FANCB: variants seen among roughly 807,000 people sequenced by gnomAD.
FANCB encodes the protein Fanconi anemia group B protein.
A neutral mutation model predicts 38.9 loss-of-function variants in FANCB; 5 were observed. The ratio of observed to expected loss-of-function variants is 0.13; its 90% CI spans 0.07 to 0.27. The LOEUF is 0.27. FANCB is among the 10% of genes least tolerant of loss of function. FANCB has a pLI of 1.00. For missense variants in FANCB, 573 were observed against 602.7 expected (o/e 0.95, Z 0.52); for synonymous variants, 236 against 215.4 (o/e 1.10, Z -0.84).
the FANCB span, among the ~76,000 whole-genome samples, chrX:14,706,617 A>C: frequency 9.0e-6 from 1 of 111,614 alleles, no homozygotes; most frequent in Non-Finnish European, 1.9e-5. Flanking sequence ...TAGGATTATC[A>C]TTCTGGTATT....
the FANCB span, among the ~76,000 whole-genome samples, chrX:14,698,929 T>C: frequency 1.8e-5 from 2 of 111,255 alleles, no homozygotes; most frequent in East Asian, 5.7e-4. Flanking sequence ...TGGTATTTAC[T>C]GAGCAATCAA....
chrX:14,812,703 C>A, the FANCB span, among the ~76,000 whole-genome samples: 47 of 108,134 alleles, frequency 4.3e-4, no homozygotes, highest in African/African-American at 1.5e-3. Flanking sequence ...AGTCCAGGAC[C>A]AGAAGGATTC....
the FANCB span, among the ~76,000 whole-genome samples, chrX:14,807,597 G>C: frequency 3.6e-5 from 4 of 111,455 alleles, no homozygotes; most frequent in Admixed American, 3.8e-4. Context: ...GACTAGGCAG[G>C]ACTATTACTC....
At chrX:14,698,431 C>G in the FANCB span, among the ~76,000 whole-genome samples, 1 of 109,571 alleles carries the variant, frequency 9.1e-6, no homozygotes, top group Non-Finnish European at 1.9e-5. Flanking sequence ...GTAATCCCAG[C>G]ACTTTGGGAG....
chrX:14,869,200 T>C (rs767074801), intron 1 of FANCB, 157 bp from the exon 2 acceptor site: 1 of 112,121 alleles, frequency 8.9e-6, no homozygotes, highest in African/African-American at 3.2e-5. Context: ...GAATTCATCA[T>C]CTTTTACTAC....
At chrX:14,809,442 C>T in the FANCB span, among the ~76,000 whole-genome samples, 5 of 112,024 alleles carry the variant, frequency 4.5e-5, no homozygotes, top group African/African-American at 1.6e-4. Flanking sequence ...AAAGGGGTGA[C>T]AGATGGCACC....
the FANCB span, chrX:14,731,616 G>A: frequency 1.4e-4 from 16 of 111,083 alleles, no homozygotes; most frequent in East Asian, 2.8e-4. Flanking sequence ...TTCATAACCC[G>A]TTGCCTTTTT....
the FANCB span, among the ~76,000 whole-genome samples, chrX:14,776,685 T>C: frequency 1.8e-5 from 2 of 112,319 alleles, no homozygotes; most frequent in African/African-American, 3.2e-5. Flanking sequence ...AGGGAAAATC[T>C]TGACTGCTAA....
the FANCB span, among the ~76,000 whole-genome samples, chrX:14,777,976 T>C: frequency 9.8e-5 from 11 of 112,090 alleles, no homozygotes; most frequent in African/African-American, 3.6e-4. Context: ...TCCAAATTCT[T>C]ACATTTGGAA....
the FANCB span, among the ~76,000 whole-genome samples, chrX:14,778,549 A>G: frequency 1.2e-4 from 14 of 112,491 alleles, no homozygotes; most frequent in African/African-American, 4.2e-4. Flanking sequence ...GATGATGGCC[A>G]GAAGAGCAAG....
the FANCB span, among the ~76,000 whole-genome samples, chrX:14,766,859 A>G: frequency 9.1e-6 from 1 of 110,133 alleles, no homozygotes; most frequent in Non-Finnish European, 1.9e-5. Flanking sequence ...CCACCCAATC[A>G]GGCCCTAATG....
the FANCB span, among the ~76,000 whole-genome samples, chrX:14,779,140 A>C: frequency 8.9e-6 from 1 of 111,963 alleles, no homozygotes; most frequent in East Asian, 2.8e-4. Context: ...ATCAGGTTGA[A>C]ATACCCAAGC....
At chrX:14,733,661 T>C in the FANCB span, among the ~76,000 whole-genome samples, 1 of 112,375 alleles carries the variant, frequency 8.9e-6, no homozygotes, top group East Asian at 2.8e-4. Flanking sequence ...CATTTGACTC[T>C]CTGTTTATCT....
chrX:14,836,196 C>G (rs1388468488), exon 11 of FANCB: 1 of 111,978 alleles, frequency 8.9e-6, no homozygotes, highest in Non-Finnish European at 1.9e-5. Flanking sequence ...TATGATTCCA[C>G]TCACATGAAG....
the FANCB span, among the ~76,000 whole-genome samples, chrX:14,799,284 T>C: frequency 8.9e-6 from 1 of 112,130 alleles, no homozygotes; most frequent in Non-Finnish European, 1.9e-5. Flanking sequence ...ACACTTTCAC[T>C]ATTTTCTGAC....
chrX:14,777,360 G>C, the FANCB span, among the ~76,000 whole-genome samples: 1 of 111,729 alleles, frequency 9.0e-6, no homozygotes, highest in Non-Finnish European at 1.9e-5. Flanking sequence ...ATTGAAAATA[G>C]CATATTATTT....
At chrX:14,759,660 G>C in the FANCB span, among the ~76,000 whole-genome samples, 1 of 111,036 alleles carries the variant, frequency 9.0e-6, no homozygotes, top group African/African-American at 3.3e-5. Flanking sequence ...CTTTAATGCT[G>C]AAAGAATTCA....
chrX:14,857,865 C>G lies in FANCB; in HGVS notation c.1194G>C (p.Leu398=). ...YLVVPPLETG[L]KVCFSSFREL... ...AAAGAAGCAAACAGACACTAACTTT[C>G]AGTCCTGTTTCTAGAGGTGGAACCA... Residue 398 remains leucine, a synonymous_variant, in exon 5 of 10, where the codon CTG becomes CTC. Transcript: ENST00000650831. The G allele has an allele frequency of 8.6e-7, 1 of 1,159,218 alleles. No homozygotes were observed. The highest frequency in any genetic ancestry group is 1.8e-5 in the South Asian group (1 of 55,808).
At chrX:14,745,965 G>A in the FANCB span, among the ~76,000 whole-genome samples, 5 of 110,356 alleles carry the variant, frequency 4.5e-5, no homozygotes, top group Admixed American at 3.9e-4. Flanking sequence ...CTCCCAAAGT[G>A]CTGGGATTAC....
Sources: allele counts gnomAD v4.1 joint callset (sites outside exome capture counted in the v4.1 genomes callset), GRCh38; gene constraint gnomAD v4.1.1; transcripts MANE v1.5; gene names NCBI Gene and HGNC (gene_info 2026-07-23, HGNC 2026-07-21).